The following CWH43 variants were observed in gnomAD, a reference collection of about 807,000 sequenced individuals.
CWH43 encodes PGAP2-interacting protein.
CWH43 carries 91 observed loss-of-function variants against 85.7 expected under a neutral mutation model. The observed-to-expected ratio is 1.06, with a 90% confidence interval of 0.90 to 1.26. The LOEUF (loss-of-function observed/expected upper bound fraction) is 1.26, where lower values mean the gene tolerates loss of function less well. Ranked by LOEUF, CWH43 falls within the 50% of genes most tolerant of loss-of-function variation. The pLI is 0.00. For missense variants in CWH43, 869 were observed against 839.2 expected (o/e 1.04, Z -0.44); for synonymous variants, 323 against 293.6 (o/e 1.10, Z -1.02).
intron 15 of CWH43, among the ~76,000 whole-genome samples, chr4:49,051,916 C>T (rs1784811049): frequency 6.6e-6 from 1 of 152,146 alleles, no homozygotes; most frequent in South Asian, 2.1e-4. Context: ...TGCAGCAAAA[C>T]ATATGAGTTG....
In CWH43 at chr4:48,994,718, G is replaced by A; in HGVS notation, c.611G>A (p.Ser204Asn). 6.2e-7 allele frequency: 1 copy of A among 1,614,216 alleles called. No homozygotes were observed. Among genetic ancestry groups the A allele is most frequent in the Non-Finnish European group, 8.5e-7 (1 of 1,180,042 alleles). ...NWLLAGAAFG[S>N]LVFLTHWVFG... ...CTGCTGGCAGGGGCTGCTTTTGGTAGCCTTGTGTTCCTCACCCACTGGGTT... is the reference window on the plus strand; with the variant it reads ...CTGCTGGCAGGGGCTGCTTTTGGTAACCTTGTGTTCCTCACCCACTGGGTT... The change falls in exon 5 of 16, where the codon AGC becomes AAC. Residue 204 changes from serine to asparagine, a missense_variant. Coordinates refer to ENST00000226432, the MANE Select transcript of CWH43 (RefSeq NM_025087.3).
At chr4:48,988,297 C>T (rs1452422394) in intron 1 of CWH43, among the ~76,000 whole-genome samples, 180 bp from the exon 2 acceptor site, 1 of 152,128 alleles carries the variant, frequency 6.6e-6, no homozygotes, top group Non-Finnish European at 1.5e-5. Context: ...TCTGCGGATC[C>T]CTACACAGGT....
At chr4:49,013,341 A>G (rs1018655537) in intron 8 of CWH43, among the ~76,000 whole-genome samples, 3 of 152,264 alleles carry the variant, frequency 2.0e-5, no homozygotes, top group Non-Finnish European at 2.9e-5. Flanking sequence ...TGCTAAGACC[A>G]TGGGAAAAAC....
chr4:49,035,714 AC>A (rs1465057759), intron 12 of CWH43, among the ~76,000 whole-genome samples: 1 of 152,172 alleles, frequency 6.6e-6, no homozygotes, highest in Non-Finnish European at 1.5e-5. Flanking sequence ...TTATACATAT[AC>A]TTTTTACTTT....
intron 8 of CWH43, among the ~76,000 whole-genome samples, chr4:49,012,681 G>A (rs1304829775): frequency 6.6e-6 from 1 of 152,160 alleles, no homozygotes; most frequent in African/African-American, 2.4e-5. Context: ...TTTTGTTGAT[G>A]CTGATGCTAT....
intron 1 of CWH43, chr4:48,986,905 A>G (rs1782513879): frequency 8.4e-6 from 6 of 717,798 alleles, no homozygotes; most frequent in Non-Finnish European, 1.0e-5. Context: ...GTAGGTGGAC[A>G]CTGGGCGGCA....
At chr4:49,059,408 G>T (rs572978192) in intron 15 of CWH43, among the ~76,000 whole-genome samples, 1 of 152,138 alleles carries the variant, frequency 6.6e-6, no homozygotes, top group South Asian at 2.1e-4. Flanking sequence ...AGCTCACTTA[G>T]CTTCAAGATG....
At chr4:49,044,906 G>A (rs566192596) in intron 14 of CWH43, 59 bp downstream of exon 14, 6 of 1,389,706 alleles carry the variant, frequency 4.3e-6, no homozygotes, top group Non-Finnish European at 5.0e-6. Context: ...TTTTGGGTCT[G>A]TCTGAGAAGG....
intron 13 of CWH43, among the ~76,000 whole-genome samples, chr4:49,039,311 A>ATATATATATATATATATATATATATATG (rs1560508999): frequency 0.015 from 382 of 26,196 alleles, 46 homozygotes; most frequent in Non-Finnish European, 0.035. Context: ...AGACTGATAT[A>ATATATATATATATATATATATATATATG]TATATATATA....
chr4:49,050,793 C>T lies in CWH43; in HGVS notation c.1965C>T (p.Asn655=). The T allele has an allele frequency of 1.2e-6, 2 of 1,612,584 alleles. No homozygotes were observed. Among genetic ancestry groups the T allele is most frequent in the Non-Finnish European group, 1.7e-6 (2 of 1,178,914 alleles). The change falls in exon 15 of 16, where the codon AAC becomes AAT. Residue 655 remains asparagine, a synonymous_variant. Coordinates refer to ENST00000226432, the MANE Select transcript of CWH43 (RefSeq NM_025087.3). ...ATGACCCCACTAATTATAGAGACAA[C>T]CAGAAAGTGGTCATAGACCACAGAG... ...IPDDPTNYRD[N]QKVVIDHREV...
chr4:49,004,175 C>A (rs1783081486), intron 7 of CWH43, among the ~76,000 whole-genome samples, 183 bp downstream of exon 7: 1 of 152,114 alleles, frequency 6.6e-6, no homozygotes. Context: ...AAATTAAAAT[C>A]AAATGTATTA....
chr4:49,045,083 G>A (rs1228704005), intron 14 of CWH43, among the ~76,000 whole-genome samples: 1 of 152,024 alleles, frequency 6.6e-6, no homozygotes, highest in Non-Finnish European at 1.5e-5. Context: ...TATATAAGAG[G>A]GTACTGTGTA....
chr4:49,007,952 A>G lies in CWH43; in HGVS notation c.1186+626A>G, dbSNP rs1271328339. On this transcript the variant is annotated intron_variant, in intron 8 of 15. Transcript: ENST00000226432. ...AACATACGTGTGCATGTATCTTTAT[A>G]GTAGCATGATTTATAATCCTTTGGG... is the stretch of plus-strand genomic sequence containing the variant. 3.9e-5 allele frequency among the ~76,000 whole-genome samples: 6 copies of G among 152,208 alleles called. No individual in the cohort carries two copies. In the South Asian group the frequency reaches 1.2e-3, roughly 31 times the overall value.
intron 13 of CWH43, 59 bp downstream of exon 13, chr4:49,038,239 TG>T (rs992254851): frequency 1.3e-4 from 185 of 1,438,422 alleles, no homozygotes; most frequent in Non-Finnish European, 1.6e-4. Flanking sequence ...TTTTCTTTCA[TG>T]TTTTTAAAAA....
At chr4:49,051,925 T>G (rs1247841555) in intron 15 of CWH43, among the ~76,000 whole-genome samples, 4 of 152,186 alleles carry the variant, frequency 2.6e-5, no homozygotes, top group African/African-American at 7.2e-5. Flanking sequence ...ACATATGAGT[T>G]GGAGTATGTG....
Position 49,061,951 on chromosome 4 carries a change from AAAG to A in CWH43, c.*66_*68del. 1 of 1,202,062 alleles carries A rather than the reference AAAG, an allele frequency of 8.3e-7. No individual in the cohort carries two copies. 74.5% of individuals were successfully genotyped at this position (1,202,062 alleles called of 1,614,324 possible). A position where few individuals can be genotyped will look rare whatever the true frequency, so the allele number is the denominator to read the frequency against. On this transcript the variant is annotated 3_prime_UTR_variant, in exon 16 of 16. Transcript: ENST00000226432. ...CTAAGAAAAAAAGTATGTAAGATAA[AAAG>A]AAGAGATTAATGAAAGTGGGAAAAT...
intron 7 of CWH43, among the ~76,000 whole-genome samples, chr4:49,005,558 T>C (rs907968926): frequency 4.0e-5 from 6 of 151,272 alleles, no homozygotes; most frequent in South Asian, 2.1e-4. Flanking sequence ...CTGTTTTTTT[T>C]TTTTCTTTTT....
rs1784130046 is a variant in CWH43 at position 49,032,577 on chromosome 4, T to C, written c.1520T>C (p.Leu507Ser). 1.2e-6 allele frequency: 2 copies of C among 1,613,926 alleles called. No homozygotes were observed. Among genetic ancestry groups the C allele is most frequent in the Admixed American group, 3.3e-5 (2 of 60,002 alleles). The part of the protein sequence containing the change: ...TRYHTWGIMA[L>S]SRYPIVKSEH... Reference sequence around the variant, plus strand: ...TCATTCCAATACAGGATTATGGCTTTGTCAAGATACCCAATTGTGAAATCT... The same window carrying C: ...TCATTCCAATACAGGATTATGGCTTCGTCAAGATACCCAATTGTGAAATCT... The change falls in exon 12 of 16, where the codon TTG (leucine) becomes TCG (serine). Residue 507 changes from leucine to serine, a missense_variant. Physicochemically the swap from Leu to Ser is moderately radical, Grantham distance 145. Coordinates refer to ENST00000226432, the MANE Select transcript of CWH43 (RefSeq NM_025087.3).
At chr4:49,059,768 G>T (rs1015974032) in intron 15 of CWH43, among the ~76,000 whole-genome samples, 4 of 152,086 alleles carry the variant, frequency 2.6e-5, no homozygotes, top group African/African-American at 9.7e-5. Flanking sequence ...GGGTCCATTG[G>T]GATGGGCCTG....
Sources: allele counts gnomAD v4.1 joint callset (sites outside exome capture counted in the v4.1 genomes callset), GRCh38; gene constraint gnomAD v4.1.1; transcripts MANE v1.5; gene names NCBI Gene and HGNC (gene_info 2026-07-23, HGNC 2026-07-21).